The following ATRNL1 variants were observed in gnomAD, a reference collection of about 807,000 sequenced individuals.
The protein encoded by ATRNL1 is attractin like 1.
ATRNL1 carries 95 observed loss-of-function variants against 182.7 expected under a neutral mutation model. The ratio of observed to expected loss-of-function variants is 0.52; its 90% CI spans 0.44 to 0.62. The LOEUF is 0.62. ATRNL1 is among the 20% of genes least tolerant of loss of function. ATRNL1 has a pLI of 0.00. For synonymous variants in ATRNL1, 576 were observed against 568.3 expected (o/e 1.01, Z -0.19); for missense variants, 1,471 against 1,679.5 (o/e 0.88, Z 2.17).
chr10:115,503,336 A>G (rs1352980059), intron 24 of ATRNL1, among the ~76,000 whole-genome samples: 1 of 152,150 alleles, frequency 6.6e-6, no homozygotes, highest in Non-Finnish European at 1.5e-5. Flanking sequence ...GATGGAAGAA[A>G]ATATTTTCTT....
intron 9 of ATRNL1, among the ~76,000 whole-genome samples, chr10:115,228,065 T>C (rs943280324): frequency 6.6e-6 from 1 of 152,116 alleles, no homozygotes; most frequent in Non-Finnish European, 1.5e-5. Context: ...CATAAAAATT[T>C]ATAAAAAAAT....
At chr10:115,227,239 C>T (rs897636646) in intron 9 of ATRNL1, among the ~76,000 whole-genome samples, 1 of 151,918 alleles carries the variant, frequency 6.6e-6, no homozygotes, top group Non-Finnish European at 1.5e-5. Flanking sequence ...GACAAATAAC[C>T]CCATTAAAAA....
At chr10:115,244,981 A>G (rs782363502) in intron 10 of ATRNL1, among the ~76,000 whole-genome samples, 33 of 152,226 alleles carry the variant, frequency 2.2e-4, no homozygotes, top group Middle Eastern at 3.2e-3. Context: ...TGAAATTTCA[A>G]ATGAGATTTA....
intron 5 of ATRNL1, among the ~76,000 whole-genome samples, chr10:115,135,931 C>T (rs1348789120): frequency 1.3e-5 from 1 of 79,924 alleles, no homozygotes; most frequent in Non-Finnish European, 3.3e-5. Context: ...ATGATCGCAG[C>T]TCTTGCAGCG....
At position 115,905,683 on chromosome 10, in the gene ATRNL1, G is replaced by A. The variant is rs193276999; in HGVS notation, c.4019-38975G>A. ...TGGGAAAAAGTCATCCGTGTAAATG[G>A]TCAACTCCAGTAAATGTTCTTGAAA... is the stretch of plus-strand genomic sequence containing the variant. On this transcript the variant is annotated intron_variant, in intron 28 of 28. Transcript: ENST00000355044. Among the ~76,000 whole-genome samples the A allele has an allele frequency of 2.6e-5, 4 of 152,194 alleles. No homozygotes were observed. The East Asian group carries it at 7.7e-4, about 29-fold the overall frequency.
chr10:115,326,337 G>A (rs1316616659), intron 18 of ATRNL1, among the ~76,000 whole-genome samples: 1 of 152,054 alleles, frequency 6.6e-6, no homozygotes, highest in Admixed American at 6.6e-5. Flanking sequence ...ATTCACAATT[G>A]CTTCAAAGAG....
At chr10:115,190,340 ATAT>A (rs1848120680) in intron 8 of ATRNL1, among the ~76,000 whole-genome samples, 2 of 152,276 alleles carry the variant, frequency 1.3e-5, no homozygotes, top group African/African-American at 2.4e-5. Flanking sequence ...AACTACAAAA[ATAT>A]TATACATATC....
chr10:115,560,998 A>G (rs764517511), intron 26 of ATRNL1, among the ~76,000 whole-genome samples: 3 of 151,960 alleles, frequency 2.0e-5, no homozygotes, highest in Non-Finnish European at 4.4e-5. Context: ...CCATACACAA[A>G]TAAAGTCAAT....
intron 20 of ATRNL1, among the ~76,000 whole-genome samples, chr10:115,412,289 C>T (rs1845179020): frequency 6.6e-6 from 1 of 152,024 alleles, no homozygotes; most frequent in African/African-American, 2.4e-5. Flanking sequence ...TTGCCAAAAA[C>T]CTGAGGGAAA....
intron 26 of ATRNL1, among the ~76,000 whole-genome samples, chr10:115,653,146 G>A (rs1860118010): frequency 6.6e-6 from 1 of 152,118 alleles, no homozygotes; most frequent in African/African-American, 2.4e-5. Context: ...AAATGTAAAG[G>A]CTTTCACATG....
Position 115,780,383 on chromosome 10 carries a change from G to A in ATRNL1, c.3903+53028G>A, listed in dbSNP as rs140711487. Reference sequence around the variant, plus strand: ...TAAATAAACTTGAAACACAGTCTAGGCCGTGAGGACGGCAACTCCTAGGCA... The same window carrying A: ...TAAATAAACTTGAAACACAGTCTAGACCGTGAGGACGGCAACTCCTAGGCA... On this transcript the variant is annotated intron_variant, in intron 27 of 28. Coordinates refer to ENST00000355044, the MANE Select transcript of ATRNL1 (RefSeq NM_207303.4). Among the ~76,000 whole-genome samples, 931 of 152,288 alleles carry A rather than the reference G, an allele frequency of 6.1e-3. 7 individuals carry two copies. The highest frequency in any genetic ancestry group is 0.021 in the African/African-American group (886 of 41,556).
chr10:115,208,315 C>T (rs1202455261), intron 8 of ATRNL1, among the ~76,000 whole-genome samples: 2 of 151,936 alleles, frequency 1.3e-5, no homozygotes, highest in African/African-American at 4.8e-5. Flanking sequence ...TTCTGGGTCT[C>T]TTTCTATTGG....
intron 27 of ATRNL1, among the ~76,000 whole-genome samples, chr10:115,830,244 G>T (rs1191170733): frequency 1.3e-5 from 2 of 152,154 alleles, no homozygotes; most frequent in Non-Finnish European, 2.9e-5. Context: ...CTAAGAATAT[G>T]TAGGAAAAAA....
chr10:115,163,414 A>G (rs1846892782), intron 6 of ATRNL1, among the ~76,000 whole-genome samples: 1 of 149,308 alleles, frequency 6.7e-6, no homozygotes. Context: ...CCCAGGCTGG[A>G]GTGCAGTGGC....
intron 27 of ATRNL1, among the ~76,000 whole-genome samples, chr10:115,746,472 T>G (rs753185875): frequency 6.6e-6 from 1 of 152,052 alleles, no homozygotes; most frequent in Non-Finnish European, 1.5e-5. Context: ...TTTTACTTTA[T>G]TAGCATACTT....
chr10:115,680,767 A>G (rs1367565140), intron 26 of ATRNL1, among the ~76,000 whole-genome samples: 3 of 152,170 alleles, frequency 2.0e-5, no homozygotes, highest in Non-Finnish European at 4.4e-5. Flanking sequence ...AAAGAGATGT[A>G]TTGAAAGCAA....
intron 26 of ATRNL1, among the ~76,000 whole-genome samples, chr10:115,563,290 CA>C (rs1158688018): frequency 6.6e-6 from 1 of 152,150 alleles, no homozygotes; most frequent in African/African-American, 2.4e-5. Flanking sequence ...GTTGAGTTTG[CA>C]GGTGATAATG....
chr10:115,557,290 CT>C (rs1321031398), intron 26 of ATRNL1, among the ~76,000 whole-genome samples: 1 of 152,100 alleles, frequency 6.6e-6, no homozygotes, highest in Non-Finnish European at 1.5e-5. Flanking sequence ...GAGTAGGAAG[CT>C]AAATTTGGGA....
At chr10:115,321,417 C>T (rs1554931485) in intron 18 of ATRNL1, among the ~76,000 whole-genome samples, 2 of 152,028 alleles carry the variant, frequency 1.3e-5, no homozygotes, top group Non-Finnish European at 2.9e-5. Context: ...TTTATATATC[C>T]TTTGCTCCTT....
Sources: allele counts gnomAD v4.1 joint callset (sites outside exome capture counted in the v4.1 genomes callset), GRCh38; gene constraint gnomAD v4.1.1; transcripts MANE v1.5; gene names NCBI Gene and HGNC (gene_info 2026-07-23, HGNC 2026-07-21).